Variants in RPS6KA2 observed in about 807,000 individuals in gnomAD.
The protein encoded by RPS6KA2 is ribosomal protein S6 kinase A2.
In RPS6KA2, 42 loss-of-function variants were observed where a neutral mutation model predicts 91.8. That is an observed-to-expected ratio of 0.46 (90% CI 0.36 to 0.59). RPS6KA2 has a LOEUF of 0.59. RPS6KA2 is among the 20% of genes least tolerant of loss of function. The pLI is 0.00. For synonymous variants in RPS6KA2, 414 were observed against 393.6 expected, an observed-to-expected ratio of 1.05 and a Z score of -0.61; for missense variants, 798 against 978.5, an observed-to-expected ratio of 0.82 and a Z score of 2.46.
At chr6:166,420,093 A>G (rs1778669889) in intron 17 of RPS6KA2, 135 bp from the exon 18 acceptor site, 3 of 765,600 alleles carry the variant, frequency 3.9e-6, no homozygotes, top group Admixed American at 2.2e-5. Context: ...CGGTGTGACC[A>G]CTGTTTCTTA....
At position 166,626,695 on chromosome 6, in the gene RPS6KA2, G is replaced by A. The variant is rs1014415406; in HGVS notation, c.99+226C>T. Among the ~76,000 whole-genome samples the A allele has an allele frequency of 6.6e-6, 1 of 152,238 alleles. No individual in the cohort carries two copies. The highest frequency in any genetic ancestry group is 2.4e-5 in the African/African-American group (1 of 41,468). ...GGAGAAACCAGCTGGAAATGCAGTG[G>A]GGGTGGAGTTGCCCCCGCGAGGACC... On this transcript the variant is annotated intron_variant, in intron 1 of 20. Coordinates refer to ENST00000265678, the MANE Select transcript of RPS6KA2 (RefSeq NM_021135.6). This position sits in a 1 kb window ranked among gnomAD's most constrained non-coding sequence, Gnocchi z 4.1.
At position 166,706,269 on chromosome 6, in the gene RPS6KA2, T is replaced by C. The variant is rs535528208; in HGVS notation, c.123+151931A>G. On this transcript the variant is annotated intron_variant, in intron 2 of 21. Coordinates refer to the RPS6KA2 transcript ENST00000503859. ...AATTGAGAGGACCACATGGCTCATG[T>C]TGCTATCAACAAGAAAAGATAGGCA... 9.8e-5 allele frequency among the ~76,000 whole-genome samples: 15 copies of C among 152,302 alleles called. No individual in the cohort carries two copies. The East Asian group carries it at 2.9e-3, about 29-fold the overall frequency.
chr6:166,615,068 T>C (rs1427078775), intron 1 of RPS6KA2, among the ~76,000 whole-genome samples: 1 of 151,986 alleles, frequency 6.6e-6, no homozygotes, highest in Admixed American at 6.6e-5. Context: ...GATGTGGGGC[T>C]CAGCCGGATG....
At chr6:166,711,941 T>C (rs1253936463) in intron 2 of RPS6KA2, among the ~76,000 whole-genome samples, 1 of 151,508 alleles carries the variant, frequency 6.6e-6, no homozygotes, top group Non-Finnish European at 1.5e-5. Flanking sequence ...AGAGAGGAGA[T>C]ACAAGTTCAT....
At chr6:166,559,426 A>G (rs1222427518) in intron 1 of RPS6KA2, among the ~76,000 whole-genome samples, 2 of 152,218 alleles carry the variant, frequency 1.3e-5, no homozygotes, top group African/African-American at 4.8e-5. Flanking sequence ...CACTTCCTGA[A>G]TGCCAAAATC....
chr6:166,586,367 A>G (rs1785174922), intron 1 of RPS6KA2: 1 of 1,599,334 alleles, frequency 6.3e-7, no homozygotes, highest in South Asian at 1.1e-5. Context: ...CAACAATTGG[A>G]GGAGACTCAG....
At chr6:166,728,240 G>A (rs921515416) in intron 2 of RPS6KA2, among the ~76,000 whole-genome samples, 1 of 152,138 alleles carries the variant, frequency 6.6e-6, no homozygotes, top group Non-Finnish European at 1.5e-5. Context: ...GTACGAATGG[G>A]GCGGACTGGC....
rs550878135 is a variant in RPS6KA2 at position 166,701,894 on chromosome 6, A to T, written c.123+156306T>A. 4 of 1,074,980 alleles carry T rather than the reference A, an allele frequency of 3.7e-6. No homozygotes were observed. The South Asian group carries it at 5.1e-5, about 14-fold the overall frequency. The allele number at this position is 1,074,980 out of a possible 1,614,324, so 66.6% of individuals were successfully genotyped here. ...CTGCATCAGTTCCTGCAATGGAGAT[A>T]TCGTGATTTTAGTGTCTGTGTCTTG... On this transcript the variant is annotated intron_variant, in intron 2 of 21. Transcript: ENST00000503859.
In RPS6KA2 at chr6:166,554,238, A is replaced by G. The variant is rs981552277; in HGVS notation, c.100-15454T>C. On this transcript the variant is annotated intron_variant, in intron 1 of 20. Coordinates refer to ENST00000265678, the MANE Select transcript of RPS6KA2 (RefSeq NM_021135.6). This position sits in a 1 kb window ranked among gnomAD's most constrained non-coding sequence, Gnocchi z 4.3. ...GCTTTTCAAATAATGATGACCTGAG[A>G]AGCGACTGCTACCCCTTTCCCAGAA... Among the ~76,000 whole-genome samples, 8 of 152,230 alleles carry G rather than the reference A, an allele frequency of 5.3e-5. No individual in the cohort carries two copies. Among genetic ancestry groups the G allele is most frequent in the African/African-American group, 1.9e-4 (8 of 41,454 alleles).
intron 16 of RPS6KA2, among the ~76,000 whole-genome samples, chr6:166,428,986 C>T (rs1482384752): frequency 1.8e-4 from 27 of 151,854 alleles, no homozygotes; most frequent in African/African-American, 5.1e-4. Flanking sequence ...CACATGCACA[C>T]GTATGTTTAT....
At position 166,713,367 on chromosome 6, in the gene RPS6KA2, G is replaced by T. The variant is rs148556727; in HGVS notation, c.123+144833C>A. Among the ~76,000 whole-genome samples, 7 of 152,326 alleles carry T rather than the reference G, an allele frequency of 4.6e-5. No individual in the cohort carries two copies. The South Asian group carries it at 6.2e-4, about 14-fold the overall frequency. On this transcript the variant is annotated intron_variant, in intron 2 of 21. Coordinates refer to the RPS6KA2 transcript ENST00000503859. Reference sequence around the variant, plus strand: ...AAAGTCATGCTTGATTAAATAAAATGAGAGAAAAGTAAATTTAAGGAATTG... The same window carrying T: ...AAAGTCATGCTTGATTAAATAAAATTAGAGAAAAGTAAATTTAAGGAATTG...
chr6:166,829,965 T>A (rs973903351), intron 2 of RPS6KA2, among the ~76,000 whole-genome samples: 2 of 151,584 alleles, frequency 1.3e-5, no homozygotes, highest in Non-Finnish European at 2.9e-5. Context: ...TTTTTAATTT[T>A]TAATACAAAA....
At chr6:166,486,198 G>T (rs1781401492) in intron 10 of RPS6KA2, among the ~76,000 whole-genome samples, 1 of 152,142 alleles carries the variant, frequency 6.6e-6, no homozygotes, top group South Asian at 2.1e-4. Flanking sequence ...CAACAACGTG[G>T]CAAAAATTGT....
chr6:166,490,340 A>T lies in RPS6KA2; in HGVS notation c.818+331T>A, dbSNP rs199828733. Among the ~76,000 whole-genome samples, 1,141 of 151,946 alleles carry T rather than the reference A, an allele frequency of 7.5e-3. 16 individuals carry two copies. Among genetic ancestry groups the T allele is most frequent in the African/African-American group, 0.026 (1,097 of 41,448 alleles). ...AGGTCACCAACCATCACGCTTGAAA[A>T]CCAGCCACTACACATTCTAAGTGAC... is the stretch of plus-strand genomic sequence containing the variant. On this transcript the variant is annotated intron_variant, in intron 9 of 20. Transcript: ENST00000265678. This position sits in a 1 kb window ranked among gnomAD's most constrained non-coding sequence, Gnocchi z 4.2.
intron 1 of RPS6KA2, among the ~76,000 whole-genome samples, chr6:166,578,895 G>A (rs984743922): frequency 2.0e-5 from 3 of 152,236 alleles, no homozygotes; most frequent in African/African-American, 7.2e-5. Context: ...GAACGTCACA[G>A]CTTAGAAACG....
intron 2 of RPS6KA2, among the ~76,000 whole-genome samples, chr6:166,647,492 TA>T (rs1257974351): frequency 6.6e-6 from 1 of 152,166 alleles, no homozygotes; most frequent in Non-Finnish European, 1.5e-5. Context: ...AGCCCTTCCC[TA>T]CTCTACACCG....
rs1184806707 is a variant in RPS6KA2, at chr6:166,626,980, A to G, written c.40T>C (p.Phe14Leu). 6.4e-7 allele frequency: 1 copy of G among 1,557,422 alleles called. No homozygotes were observed. The highest frequency in any genetic ancestry group is 2.5e-5 in the East Asian group (1 of 39,442). The change falls in exon 1 of 21, where the codon TTC (phenylalanine) becomes CTC (leucine). Residue 14 changes from phenylalanine (F) to leucine (L), a missense_variant. Physicochemically the swap from Phe to Leu is conservative, Grantham distance 22. Coordinates refer to ENST00000265678, the MANE Select transcript of RPS6KA2 (RefSeq NM_021135.6). This position sits in a 1 kb window ranked among gnomAD's most constrained non-coding sequence, Gnocchi z 4.1. The stretch of plus-strand genomic sequence containing the variant: ...GACTTCCTGCGCAGGTACACAGAGA[A>G]GAACCTGCGCACGGCGAACTTCTTC... ...SMKKFAVRRF[F>L]SVYLRRKSRS...
chr6:166,751,935 ATGGAGCACAGAGGCCAGACTCCG>A (rs1791298763), intron 2 of RPS6KA2, among the ~76,000 whole-genome samples: 1 of 151,980 alleles, frequency 6.6e-6, no homozygotes, highest in Admixed American at 6.6e-5. Flanking sequence ...GCCAGACTCC[ATGGAGCACAGAGGCCAGACTCCG>A]TGGAGCACAG....
intron 2 of RPS6KA2, among the ~76,000 whole-genome samples, chr6:166,723,701 T>TTC (rs1381879212): frequency 6.7e-5 from 10 of 149,608 alleles, no homozygotes; most frequent in African/African-American, 2.5e-4. Context: ...TTTCTTTTCT[T>TTC]TTCTTTTTTT....
Sources: gnomAD v4.1 joint callset for allele counts (sites outside exome capture counted in the v4.1 genomes callset) on GRCh38, gnomAD v4.1.1 for gene constraint, Gnocchi (gnomAD v3.1) non-coding constraint, MANE v1.5 for transcripts, NCBI Gene and HGNC (gene_info 2026-07-23, HGNC 2026-07-21) for gene names.